The following UTRN variants were observed in gnomAD, a reference collection of about 807,000 sequenced individuals.
UTRN encodes utrophin, also known as dystrophin-related protein 1.
In UTRN, 283 loss-of-function variants were observed where a neutral mutation model predicts 463.9. That is an observed-to-expected ratio of 0.61 (90% confidence interval 0.55 to 0.67). The LOEUF is 0.67. Ranked by LOEUF, UTRN falls within the 30% of genes least tolerant of loss-of-function variation. The pLI, the probability that UTRN is intolerant of heterozygous loss-of-function variation, is 0.00. For missense variants in UTRN, 3,922 were observed against 4,084.3 expected, an observed-to-expected ratio of 0.96 and a Z score of 1.08; for synonymous variants, 1,442 against 1,431.5, an observed-to-expected ratio of 1.01 and a Z score of -0.17.
At chr6:144,638,318 T>C (rs1319080932) in intron 51 of UTRN, among the ~76,000 whole-genome samples, 2 of 152,252 alleles carry the variant, frequency 1.3e-5, no homozygotes, top group East Asian at 3.8e-4. Context: ...GTATTCATAC[T>C]GTTTTTATTC....
At chr6:144,789,098 A>C in intron 61 of UTRN, 96 bp from the exon 62 acceptor site, 1 of 955,152 alleles carries the variant, frequency 1.0e-6, no homozygotes, top group Non-Finnish European at 1.6e-6. Flanking sequence ...ATTATTTTTG[A>C]TGGTTTACCC....
rs7766619 is a variant in UTRN at position 144,366,017 on chromosome 6, C to T, written c.80-37106C>T. Among the ~76,000 whole-genome samples the T allele has an allele frequency of 9.9e-3, 1,502 of 151,622 alleles. 26 individuals carry two copies. Among genetic ancestry groups the T allele is most frequent in the African/African-American group, 0.035 (1,432 of 41,014 alleles). ...CCTCCCAAAGTGCTGGGATTACAGG[C>T]GTGAGCCACCGCACCTGGCCTGGGA... On this transcript the variant is annotated intron_variant, in intron 2 of 74. Coordinates refer to ENST00000367545, the MANE Select transcript of UTRN (RefSeq NM_007124.3).
chr6:144,508,466 G>A (rs1166125887), intron 34 of UTRN, among the ~76,000 whole-genome samples: 1 of 152,106 alleles, frequency 6.6e-6, no homozygotes, highest in Non-Finnish European at 1.5e-5. Flanking sequence ...CGTACCTCAC[G>A]GCACAGTCCC....
chr6:144,845,535 C>G (rs1419720355), intron 73 of UTRN, among the ~76,000 whole-genome samples: 1 of 152,146 alleles, frequency 6.6e-6, no homozygotes, highest in African/African-American at 2.4e-5. Flanking sequence ...CAGGCAAATA[C>G]CCATAGCCTT....
At chr6:144,476,953 A>G (rs752913456) in intron 25 of UTRN, among the ~76,000 whole-genome samples, 1 of 152,160 alleles carries the variant, frequency 6.6e-6, no homozygotes, top group Non-Finnish European at 1.5e-5. Flanking sequence ...TATTTTTAAT[A>G]ATGAGAGATA....
At chr6:144,543,955 T>C (rs1798193589) in intron 46 of UTRN, among the ~76,000 whole-genome samples, 1 of 152,208 alleles carries the variant, frequency 6.6e-6, no homozygotes, top group African/African-American at 2.4e-5. Flanking sequence ...GAGTTGACAT[T>C]TGGGTACTGC....
intron 2 of UTRN, among the ~76,000 whole-genome samples, chr6:144,385,200 C>A (rs1781303908): frequency 6.6e-6 from 1 of 152,060 alleles, no homozygotes; most frequent in Non-Finnish European, 1.5e-5. Context: ...TTGGGGTGTC[C>A]TTAGGAAGGA....
chr6:144,520,868 C>T (rs1796024082), intron 39 of UTRN, among the ~76,000 whole-genome samples: 1 of 152,144 alleles, frequency 6.6e-6, no homozygotes, highest in Admixed American at 6.5e-5. Context: ...TGAGCAGCTG[C>T]AGTTTGGCCC....
intron 53 of UTRN, among the ~76,000 whole-genome samples, chr6:144,720,145 A>G (rs1163562478): frequency 6.6e-6 from 1 of 152,214 alleles, no homozygotes. Context: ...TCGGTCAGTG[A>G]TGTCAGCAAC....
chr6:144,660,195 A>G (rs1779726008), intron 51 of UTRN: 1 of 470,764 alleles, frequency 2.1e-6, no homozygotes, highest in South Asian at 1.5e-5. Flanking sequence ...AGTTTGCCGG[A>G]AAGATGTAGG....
intron 51 of UTRN, among the ~76,000 whole-genome samples, chr6:144,610,484 C>G (rs907742443): frequency 6.6e-6 from 1 of 152,112 alleles, no homozygotes; most frequent in African/African-American, 2.4e-5. Flanking sequence ...TGAAATCTAC[C>G]AAATATTAAT....
intron 23 of UTRN, among the ~76,000 whole-genome samples, chr6:144,470,128 ATC>A (rs921599479): frequency 6.6e-6 from 1 of 152,048 alleles, no homozygotes; most frequent in African/African-American, 2.4e-5. Flanking sequence ...CAACAATCCG[ATC>A]TCTCCTTCTT....
chr6:144,471,160 A>G (rs934830210), intron 23 of UTRN, among the ~76,000 whole-genome samples: 1 of 151,342 alleles, frequency 6.6e-6, no homozygotes, highest in African/African-American at 2.4e-5. Flanking sequence ...GGAGAGAAGG[A>G]ACAGATACAT....
Position 144,286,513 on chromosome 6 carries a change from C to T in UTRN, c.-93+692C>T, listed in dbSNP as rs1208678954. Among the ~76,000 whole-genome samples, 1 of 151,550 alleles carries T rather than the reference C, an allele frequency of 6.6e-6. No individual in the cohort carries two copies. The highest frequency in any genetic ancestry group is 1.5e-5 in the Non-Finnish European group (1 of 67,812). The stretch of plus-strand genomic sequence containing the variant: ...GGGGCGCCCCATTGGTGTGTAGTCC[C>T]GCGCAGTCGCCGGCTCTCCTTTTCC... On this transcript the variant is annotated intron_variant, in intron 1 of 74. Transcript: ENST00000367545. This position sits in a 1 kb window ranked among gnomAD's most constrained non-coding sequence, Gnocchi z 4.4.
intron 51 of UTRN, among the ~76,000 whole-genome samples, chr6:144,673,603 C>A (rs1781276068): frequency 6.6e-6 from 1 of 152,048 alleles, no homozygotes; most frequent in African/African-American, 2.4e-5. Flanking sequence ...TTCTGCCATT[C>A]TGTATCTTTT....
intron 66 of UTRN, among the ~76,000 whole-genome samples, chr6:144,824,406 T>TTA (rs1229918236): frequency 3.4e-4 from 48 of 140,806 alleles, no homozygotes; most frequent in South Asian, 6.7e-4. Context: ...TATAAAACCA[T>TTA]TATATATATA....
intron 2 of UTRN, among the ~76,000 whole-genome samples, chr6:144,378,203 A>G (rs1483346034): frequency 6.6e-6 from 1 of 152,238 alleles, no homozygotes; most frequent in African/African-American, 2.4e-5. Flanking sequence ...TGAAAAGGCA[A>G]TACATATAAC....
intron 50 of UTRN, among the ~76,000 whole-genome samples, chr6:144,561,252 T>TAC (rs1228816640): frequency 4.2e-5 from 2 of 47,882 alleles, no homozygotes; most frequent in African/African-American, 1.4e-4. Flanking sequence ...TATATATATA[T>TAC]ATATATATAC....
rs1781357643 is a variant in UTRN at position 144,839,276 on chromosome 6, A to C, written c.10169A>C (p.His3390Pro). ...CCAGATGCCTCCGGCCCACAGTTCC[A>C]CCAGGCAGGTCGGTGTCCCCAGCAC... ...LDPDASGPQF[H>P]QAAGEDLLAP... Residue 3390 changes from histidine to proline, a missense_variant, in exon 72 of 75, where the codon CAC becomes CCC. Transcript: ENST00000367545. 3.7e-6 allele frequency: 6 copies of C among 1,613,416 alleles called. No homozygotes were observed. The highest frequency in any genetic ancestry group is 5.1e-6 in the Non-Finnish European group (6 of 1,179,832).
Sources: allele counts gnomAD v4.1 joint callset (sites outside exome capture counted in the v4.1 genomes callset), GRCh38; gene constraint gnomAD v4.1.1; non-coding constraint Gnocchi (gnomAD v3.1); transcripts MANE v1.5; gene names NCBI Gene and HGNC (gene_info 2026-07-23, HGNC 2026-07-21).